The following RNF213 variants were observed in gnomAD, a reference collection of about 807,000 sequenced individuals.
The protein encoded by RNF213 is ring finger protein 213.
Under a neutral mutation model 514.4 loss-of-function variants are expected in RNF213, and 341 were observed. The observed-to-expected ratio is 0.66, with a 90% CI of 0.61 to 0.73. The LOEUF (loss-of-function observed/expected upper bound fraction) is 0.73. Among genes scored for constraint, RNF213 ranks in the 30% least tolerant of loss-of-function variants. The probability of loss-of-function intolerance (pLI) is 0.00; values close to 1 mark genes in which losing one functional copy is unlikely to be tolerated. For synonymous variants in RNF213, 2,655 were observed against 2,658.2 expected (o/e 1.00, Z 0.04); for missense variants, 5,767 against 6,615.6 (o/e 0.87, Z 4.45).
chr17:80,360,041 C>A lies in RNF213; in HGVS notation c.11055-20C>A. 1 of 1,613,584 alleles carries A rather than the reference C, an allele frequency of 6.2e-7. No homozygotes were observed. The highest frequency in any genetic ancestry group is 1.1e-5 in the South Asian group (1 of 91,030). On this transcript the variant is annotated intron_variant, in intron 37 of 67. Coordinates refer to ENST00000582970, the MANE Select transcript of RNF213 (RefSeq NM_001256071.3). ...GACGTCTCACAAACCCTCTTCTTAT[C>A]ATCCCTCACCTTATTGCAGACATAA... is the stretch of plus-strand genomic sequence containing the variant.
intron 3 of RNF213, among the ~76,000 whole-genome samples, chr17:80,275,738 C>G (rs1183877775): frequency 6.6e-6 from 1 of 152,118 alleles, no homozygotes; most frequent in African/African-American, 2.4e-5. Context: ...CTCAGCTCAA[C>G]TGCAACCTTT....
Position 80,388,566 on chromosome 17 carries a change from C to T in RNF213, c.14923-46C>T, listed in dbSNP as rs1158449815. ...TCTGTTTGTCATCTGCTGGAAATGTCCACGATGGATTTAATTTTAAAAAAC... is the reference window on the plus strand; with the variant it reads ...TCTGTTTGTCATCTGCTGGAAATGTTCACGATGGATTTAATTTTAAAAAAC... On this transcript the variant is annotated intron_variant, in intron 63 of 67. Transcript: ENST00000582970. The T allele has an allele frequency of 4.8e-6, 6 of 1,253,474 alleles. No homozygotes were observed. The Admixed American group carries it at 1.0e-4, about 21-fold the overall frequency. The allele number at this position is 1,253,474 out of a possible 1,614,324, so 77.6% of individuals were successfully genotyped here.
chr17:80,262,438 T>C (rs1186438535), intron 1 of RNF213, among the ~76,000 whole-genome samples: 1 of 151,894 alleles, frequency 6.6e-6, no homozygotes, highest in Admixed American at 6.6e-5. Flanking sequence ...TGTGCAGGGT[T>C]GTCTTGTTGT....
At chr17:80,350,457 G>A (rs1490846391) in intron 31 of RNF213, 61 bp downstream of exon 31, 14 of 1,097,910 alleles carry the variant, frequency 1.3e-5, no homozygotes, top group Admixed American at 7.1e-5. Context: ...GGAAGTCCTA[G>A]AGAATTTTTT....
In RNF213 at chr17:80,348,051, C is replaced by T. The variant is rs201815403; in HGVS notation, c.9716C>T (p.Pro3239Leu). The change falls in exon 29 of 68, where the codon CCC (proline) becomes CTC (leucine). Residue 3239 changes from proline to leucine, a missense_variant. This residue lies in a region of RNF213 where 919 missense variants were observed against 1,121.0 expected (regional missense o/e 0.82). Coordinates refer to ENST00000582970, the MANE Select transcript of RNF213 (RefSeq NM_001256071.3). ...VVLQVIERQG[P>L]RALTEELHQK... ...CTGCAGGTCATAGAGAGGCAGGGTC[C>T]CCGGGCCTTGACGGAGGAACTTCAC... The T allele has an allele frequency of 7.1e-5, 115 of 1,614,070 alleles. No homozygotes were observed. Among genetic ancestry groups the T allele is most frequent in the Non-Finnish European group, 9.0e-5 (106 of 1,180,048 alleles).
chr17:80,291,606 A>C (rs771228662), intron 7 of RNF213, 22 bp from the exon 8 acceptor site: 2 of 1,613,458 alleles, frequency 1.2e-6, no homozygotes, highest in African/African-American at 1.3e-5. Flanking sequence ...TGGATAGCCA[A>C]CCGTATCCTG....
At chr17:80,313,547 AATGGAGGTG>A (rs1340495315) in intron 15 of RNF213, among the ~76,000 whole-genome samples, 9 of 104,968 alleles carry the variant, frequency 8.6e-5, no homozygotes, top group African/African-American at 3.6e-4. Flanking sequence ...TGGTGGACGT[AATGGAGGTG>A]ATGGTGGTGA....
rs766669666 is a variant in RNF213, at chr17:80,290,717, G to A, written c.1260G>A (p.Leu420=). 6.2e-7 allele frequency: 1 copy of A among 1,614,178 alleles called. No individual in the cohort carries two copies. The highest frequency in any genetic ancestry group is 8.5e-7 in the Non-Finnish European group (1 of 1,180,028). The change falls in exon 7 of 68, where the codon CTG becomes CTA. Residue 420 remains leucine (L), a synonymous_variant. Coordinates refer to ENST00000582970, the MANE Select transcript of RNF213 (RefSeq NM_001256071.3). The part of the protein sequence containing the change: ...ESKWDSNICE[L]HYTRDLGHDR... ...AATGGGACAGCAATATCTGTGAGCT[G>A]CACTACACCAGGTGAGCGTGTCTGT...
chr17:80,347,178 A>G lies in RNF213; in HGVS notation c.8843A>G (p.Lys2948Arg). The G allele has an allele frequency of 6.2e-7, 1 of 1,613,946 alleles. No individual in the cohort carries two copies. Among genetic ancestry groups the G allele is most frequent in the Non-Finnish European group, 8.5e-7 (1 of 1,179,978 alleles). The change falls in exon 29 of 68, where the codon AAG becomes AGG. Residue 2948 changes from lysine to arginine, a missense_variant. Lys to Arg is a conservative substitution (Grantham distance 26, BLOSUM62 2). Around this residue, in one of 13 missense-constraint regions of RNF213, gnomAD observed 919 missense variants for 1,121.0 expected, o/e 0.82. Transcript: ENST00000582970. The surrounding 1 kb of genome is among the most constrained non-coding windows in gnomAD (Gnocchi z 7.2). ...AYETVCKRQD[K>R]EFFGLRDYYS... ...GAAACGGTGTGTAAGCGCCAGGACA[A>G]GGAATTCTTCGGGCTTCGTGACTAC... is the stretch of plus-strand genomic sequence containing the variant.
In RNF213 at chr17:80,377,837, G is replaced by A. The variant is rs2079823356; in HGVS notation, c.13545+41G>A. 1.9e-6 allele frequency: 3 copies of A among 1,609,422 alleles called. No individual in the cohort carries two copies. Among genetic ancestry groups the A allele is most frequent in the Non-Finnish European group, 2.6e-6 (3 of 1,175,738 alleles). On this transcript the variant is annotated intron_variant, in intron 54 of 67. Transcript: ENST00000582970. The surrounding 1 kb of genome is among the most constrained non-coding windows in gnomAD (Gnocchi z 4.1). The stretch of plus-strand genomic sequence containing the variant: ...TAAGATAGGGTTTGAGGGGTGGCGT[G>A]CACTCCTGGGTTGGAGGAGGGGGAT...
chr17:80,327,392 C>G (rs150445949), intron 18 of RNF213, among the ~76,000 whole-genome samples: 1 of 150,876 alleles, frequency 6.6e-6, no homozygotes, highest in African/African-American at 2.4e-5. Context: ...CCTAGCTACT[C>G]GGGAGGCTGA....
At position 80,379,667 on chromosome 17, in the gene RNF213, G is replaced by C. The variant is rs371547532; in HGVS notation, c.13593G>C (p.Pro4531=). The C allele has an allele frequency of 9.3e-6, 15 of 1,614,116 alleles. No homozygotes were observed. Among genetic ancestry groups the C allele is most frequent in the Middle Eastern group, 1.6e-4 (1 of 6,084 alleles). The change falls in exon 55 of 68, where the codon CCG becomes CCC. Residue 4531 remains proline (P), a synonymous_variant. Transcript: ENST00000582970. ...EQSICIDCHA[P]IGGIDHKPRD... ...GCATCTGCATTGACTGCCATGCGCC[G>C]ATTGGAGGCATTGACCACAAACCTC...
At position 80,344,964 on chromosome 17, in the gene RNF213, C is replaced by T; in HGVS notation, c.6629C>T (p.Pro2210Leu). 6.2e-7 allele frequency: 1 copy of T among 1,614,164 alleles called. No homozygotes were observed. The highest frequency in any genetic ancestry group is 8.5e-7 in the Non-Finnish European group (1 of 1,180,032). ...HFLFHCGVIN[P>L]SWSELRNFAR... The stretch of plus-strand genomic sequence containing the variant: ...CTGTTTCACTGCGGGGTAATAAACC[C>T]ATCCTGGTCAGAGCTTCGGAACTTT... The change falls in exon 29 of 68, where the codon CCA (proline) becomes CTA (leucine). Residue 2210 changes from proline to leucine, a missense_variant. Physicochemically the swap from Pro to Leu is moderately conservative, Grantham distance 98. Coordinates refer to ENST00000582970, the MANE Select transcript of RNF213 (RefSeq NM_001256071.3).
At chr17:80,313,459 A>G (rs1430427259) in intron 15 of RNF213, among the ~76,000 whole-genome samples, 2 of 11,224 alleles carry the variant, frequency 1.8e-4, no homozygotes, top group Non-Finnish European at 3.9e-4. Flanking sequence ...TGGTGGTGGT[A>G]GAGGTGATGG....
intron 42 of RNF213, among the ~76,000 whole-genome samples, chr17:80,365,613 C>G (rs1001151976): frequency 1.3e-5 from 2 of 152,120 alleles, no homozygotes; most frequent in African/African-American, 4.8e-5. Flanking sequence ...GGCACTCGGC[C>G]TTATCTGGTT....
chr17:80,343,774 A>G lies in RNF213; in HGVS notation c.6184-83A>G. 2.8e-6 allele frequency: 4 copies of G among 1,432,840 alleles called. No homozygotes were observed. Among genetic ancestry groups the G allele is most frequent in the Non-Finnish European group, 3.9e-6 (4 of 1,016,502 alleles). 88.8% of individuals were successfully genotyped at this position (1,432,840 alleles called of 1,614,324 possible). On this transcript the variant is annotated intron_variant, in intron 27 of 67. Coordinates refer to ENST00000582970, the MANE Select transcript of RNF213 (RefSeq NM_001256071.3). The surrounding 1 kb of genome is among the most constrained non-coding windows in gnomAD (Gnocchi z 4.3). ...GATCATCAGGATCATCGTGACAAAG[A>G]GCAAAATAAGGAGGGGTTACTTAGA...
chr17:80,391,873 C>T (rs970931351), intron 67 of RNF213, among the ~76,000 whole-genome samples: 3 of 144,608 alleles, frequency 2.1e-5, no homozygotes, highest in Non-Finnish European at 4.5e-5. Context: ...TGGGTTCAAG[C>T]GATTCTCCTG....
chr17:80,372,695 A>C lies in RNF213; in HGVS notation c.12712A>C (p.Arg4238=). 1 of 1,613,906 alleles carries C rather than the reference A, an allele frequency of 6.2e-7. No homozygotes were observed. Among genetic ancestry groups the C allele is most frequent in the African/African-American group, 1.3e-5 (1 of 75,062 alleles). ...GGCCCGGATCCGCCTCTGCCTCGACAGAGCTGCAGATTTCCTCTCGGAGCC... is the reference window on the plus strand; with the variant it reads ...GGCCCGGATCCGCCTCTGCCTCGACCGAGCTGCAGATTTCCTCTCGGAGCC... ...EVARIRLCLD[R]AADFLSEPEG... The change falls in exon 48 of 68, where the codon AGA becomes CGA. Residue 4238 remains arginine, a synonymous_variant. Transcript: ENST00000582970.
rs114693734 is a variant in RNF213, at chr17:80,345,995, G to A, written c.7660G>A (p.Asp2554Asn). 3.0e-4 allele frequency: 492 copies of A among 1,614,180 alleles called. No individual in the cohort carries two copies. Among genetic ancestry groups the A allele is most frequent in the African/African-American group, 2.6e-3 (194 of 75,048 alleles). The change falls in exon 29 of 68, where the codon GAC (aspartate) becomes AAC (asparagine). Residue 2554 changes from aspartate to asparagine, a missense_variant. Asp to Asn is a conservative substitution (Grantham distance 23). Transcript: ENST00000582970. The surrounding 1 kb of genome is among the most constrained non-coding windows in gnomAD (Gnocchi z 6.0). ...CAGGGTTAGTATGGAGGAGACGGCC[G>A]ACAGGCTGGGCTCCATTCCTCTGAG... ...GYRVSMEETA[D>N]RLGSIPLRQL...
Sources: allele counts gnomAD v4.1 joint callset (sites outside exome capture counted in the v4.1 genomes callset), GRCh38; gene constraint gnomAD v4.1.1; regional missense constraint gnomAD v4.1.1; non-coding constraint Gnocchi (gnomAD v3.1); transcripts MANE v1.5; gene names NCBI Gene and HGNC (gene_info 2026-07-23, HGNC 2026-07-21).